Variants in KLHL25 observed in about 807,000 individuals in gnomAD.
KLHL25 encodes the protein kelch-like protein 25.
A neutral mutation model predicts 30.0 loss-of-function variants in KLHL25; 41 were observed. That is an observed-to-expected ratio of 1.37 (90% CI 1.07 to 1.78). The LOEUF (loss-of-function observed/expected upper bound fraction) is 1.78, where lower values mean the gene tolerates loss of function less well. Ranked by LOEUF, KLHL25 falls within the 40% of genes most tolerant of loss-of-function variation. The pLI, the probability that KLHL25 is intolerant of heterozygous loss-of-function variation, is 0.00. For synonymous variants in KLHL25, 399 were observed against 355.3 expected, an observed-to-expected ratio of 1.12 and a Z score of -1.38; for missense variants, 971 against 824.5, an observed-to-expected ratio of 1.18 and a Z score of -2.18.
chr15:85,791,833 A>G (rs2089819355), intron 1 of KLHL25, among the ~76,000 whole-genome samples: 1 of 152,198 alleles, frequency 6.6e-6, no homozygotes. Flanking sequence ...AAAAGCTAAC[A>G]AAGCTCAATG....
At chr15:85,786,256 T>A (rs2089780623) in intron 1 of KLHL25, among the ~76,000 whole-genome samples, 1 of 152,192 alleles carries the variant, frequency 6.6e-6, no homozygotes, top group Non-Finnish European at 1.5e-5. Flanking sequence ...TCAGGCTGGC[T>A]GGGATCACAG....
At chr15:85,791,950 C>G (rs1160644267) in intron 1 of KLHL25, among the ~76,000 whole-genome samples, 1 of 152,194 alleles carries the variant, frequency 6.6e-6, no homozygotes, top group Non-Finnish European at 1.5e-5. Context: ...ACAGGGAGCC[C>G]TTCCTATCCC....
intron 1 of KLHL25, among the ~76,000 whole-genome samples, chr15:85,793,842 A>G (rs1285051698): frequency 6.6e-6 from 1 of 152,216 alleles, no homozygotes; most frequent in East Asian, 1.9e-4. Flanking sequence ...GCAGGACCCA[A>G]GAGCGTCCAG....
intron 1 of KLHL25, among the ~76,000 whole-genome samples, chr15:85,788,056 C>CAAAAAAAAAAAA (rs60547525): frequency 6.9e-5 from 4 of 58,306 alleles, no homozygotes; most frequent in Admixed American, 2.1e-4. Flanking sequence ...AACTAGATCT[C>CAAAAAAAAAAAA]AAAAAAAAAA....
intron 2 of KLHL25, among the ~76,000 whole-genome samples, chr15:85,765,828 CAAAAAAAAAA>C (rs35443769): frequency 1.9e-5 from 2 of 103,708 alleles, no homozygotes; most frequent in Admixed American, 2.1e-4. Context: ...GAGACTGTCT[CAAAAAAAAAA>C]AAAAGAAAAA....
chr15:85,768,691 T>C lies in KLHL25; in HGVS notation c.1120A>G (p.Met374Val), dbSNP rs745671499. ...VHEEWSKAAP[M>V]LIARFGHGSA... ...CCATGGCCAAAGCGGGCAATCAGCA[T>C]GGGCGCCGCCTTGGACCATTCCTCA... is the stretch of plus-strand genomic sequence containing the variant. Residue 374 changes from methionine to valine, a missense_variant, in exon 2 of 3, where the codon ATG becomes GTG. Physicochemically the swap from Met to Val is conservative, Grantham distance 21. Coordinates refer to ENST00000337975, the MANE Select transcript of KLHL25 (RefSeq NM_022480.4). The C allele has an allele frequency of 5.0e-6, 8 of 1,613,416 alleles. No individual in the cohort carries two copies. Among genetic ancestry groups the C allele is most frequent in the Non-Finnish European group, 5.9e-6 (7 of 1,179,758 alleles).
At chr15:85,784,779 A>T (rs1391302315) in intron 1 of KLHL25, among the ~76,000 whole-genome samples, 2 of 152,178 alleles carry the variant, frequency 1.3e-5, no homozygotes, top group African/African-American at 4.8e-5. Flanking sequence ...GAGCCTCAAG[A>T]GCCCAGTACA....
chr15:85,767,961 G>T, intron 2 of KLHL25, 56 bp downstream of exon 2: 1 of 1,164,404 alleles, frequency 8.6e-7, no homozygotes, highest in Non-Finnish European at 1.2e-6. Context: ...AGGTGGGACT[G>T]CATTCCCCCA....
In KLHL25 at chr15:85,769,827, G is replaced by A. The variant is rs1239998429; in HGVS notation, c.-10-7C>T. 1 of 1,594,576 alleles carries A rather than the reference G, an allele frequency of 6.3e-7. No homozygotes were observed. On this transcript the variant is annotated splice_region_variant and splice_polypyrimidine_tract_variant and intron_variant, in intron 1 of 2. Transcript: ENST00000337975. Reference sequence around the variant, plus strand: ...GACCGACATGGTGCGTCAGCTTGTGGGGGAACAAGCCCACAGGTTAGAGGA... The same window carrying A: ...GACCGACATGGTGCGTCAGCTTGTGAGGGAACAAGCCCACAGGTTAGAGGA...
chr15:85,788,461 C>G (rs1194696185), intron 1 of KLHL25, among the ~76,000 whole-genome samples: 4 of 152,232 alleles, frequency 2.6e-5, no homozygotes, highest in South Asian at 2.1e-4. Context: ...AGGAGAGGGT[C>G]GGGGAGGACC....
rs779220352 is a variant in KLHL25 at position 85,769,249 on chromosome 15, G to A, written c.562C>T (p.Leu188=). Residue 188 remains leucine, a synonymous_variant, in exon 2 of 3, where the codon CTG becomes TTG. Coordinates refer to ENST00000337975, the MANE Select transcript of KLHL25 (RefSeq NM_022480.4). The stretch of plus-strand genomic sequence containing the variant: ...AGGTCCAGCAGTGTGTCCTTGGACA[G>A]GCTGTTGAAGTCCTCGCTCTGCCTC... ...TVRQSEDFNS[L]SKDTLLDLIS... 17 of 1,613,758 alleles carry A rather than the reference G, an allele frequency of 1.1e-5. No individual in the cohort carries two copies. Among genetic ancestry groups the A allele is most frequent in the Non-Finnish European group, 1.4e-5 (16 of 1,180,044 alleles).
At chr15:85,779,104 C>A (rs2089728293) in intron 1 of KLHL25, among the ~76,000 whole-genome samples, 1 of 151,530 alleles carries the variant, frequency 6.6e-6, no homozygotes, top group Admixed American at 6.6e-5. Context: ...GCCAGCCGAA[C>A]CCTCCCATGG....
At chr15:85,790,916 A>G (rs2151814194) in intron 1 of KLHL25, among the ~76,000 whole-genome samples, 1 of 152,166 alleles carries the variant, frequency 6.6e-6, no homozygotes, top group East Asian at 1.9e-4. Flanking sequence ...AAAAAAAAAA[A>G]AAAGGCCAGG....
intron 1 of KLHL25, among the ~76,000 whole-genome samples, chr15:85,775,539 T>G (rs1401015570): frequency 6.6e-6 from 1 of 152,164 alleles, no homozygotes; most frequent in Non-Finnish European, 1.5e-5. Flanking sequence ...GACCTCAGCA[T>G]GTCCCTTTGC....
chr15:85,780,211 C>T (rs189535927), intron 1 of KLHL25, among the ~76,000 whole-genome samples: 10 of 152,328 alleles, frequency 6.6e-5, no homozygotes, highest in Admixed American at 3.3e-4. Flanking sequence ...CTGCACCAGA[C>T]GGGAGTAATG....
intron 1 of KLHL25, chr15:85,770,865 T>A (rs964993917): frequency 3.0e-6 from 1 of 337,502 alleles, no homozygotes; most frequent in Non-Finnish European, 5.8e-6. Flanking sequence ...CACTACTTGC[T>A]CAATCTAGGG....
chr15:85,777,337 T>C (rs2089716326), intron 1 of KLHL25, among the ~76,000 whole-genome samples: 1 of 152,220 alleles, frequency 6.6e-6, no homozygotes, highest in Non-Finnish European at 1.5e-5. Flanking sequence ...TCACCTGCTT[T>C]CCTGAGGTCA....
intron 1 of KLHL25, among the ~76,000 whole-genome samples, chr15:85,782,236 T>C (rs1177934307): frequency 6.6e-6 from 1 of 152,158 alleles, no homozygotes; most frequent in African/African-American, 2.4e-5. Flanking sequence ...CATATACACA[T>C]TTTTAGCATA....
chr15:85,793,120 T>A (rs1318674767), intron 1 of KLHL25, among the ~76,000 whole-genome samples: 1 of 150,226 alleles, frequency 6.7e-6, no homozygotes, highest in African/African-American at 2.5e-5. Flanking sequence ...ACTGGGTAAT[T>A]GTTCTCTTTT....
Sources: allele counts gnomAD v4.1 joint callset (sites outside exome capture counted in the v4.1 genomes callset), GRCh38; gene constraint gnomAD v4.1.1; transcripts MANE v1.5; gene names NCBI Gene and HGNC (gene_info 2026-07-23, HGNC 2026-07-21).